TBC1D22A: variants seen among roughly 807,000 people sequenced by gnomAD.
TBC1D22A encodes the protein putative GTPase activator.
TBC1D22A carries 38 observed loss-of-function variants against 60.2 expected under a neutral mutation model. The observed-to-expected ratio is 0.63, with a 90% CI of 0.49 to 0.83. TBC1D22A has a LOEUF of 0.83. Among genes scored for constraint, TBC1D22A ranks in the 40% least tolerant of loss-of-function variants. The probability of loss-of-function intolerance (pLI) is 0.00; values close to 1 mark genes in which losing one functional copy is unlikely to be tolerated. For synonymous variants in TBC1D22A, 302 were observed against 281.7 expected, an observed-to-expected ratio of 1.07 and a Z score of -0.72; for missense variants, 628 against 701.0, an observed-to-expected ratio of 0.90 and a Z score of 1.18.
intron 7 of TBC1D22A, among the ~76,000 whole-genome samples, chr22:46,905,475 G>A (rs906942062): frequency 1.3e-5 from 2 of 152,222 alleles, no homozygotes; most frequent in African/African-American, 2.4e-5. Flanking sequence ...ATTTGGGTCC[G>A]TGCAGGGTGT....
At chr22:47,004,563 C>T (rs564647261) in intron 10 of TBC1D22A, among the ~76,000 whole-genome samples, 1 of 151,630 alleles carries the variant, frequency 6.6e-6, no homozygotes, top group East Asian at 1.9e-4. Context: ...CTCCTGTACA[C>T]ACACCCCTGC....
At chr22:46,814,245 G>T (rs999542963) in intron 4 of TBC1D22A, among the ~76,000 whole-genome samples, 8 of 152,166 alleles carry the variant, frequency 5.3e-5, no homozygotes, top group African/African-American at 1.9e-4. Flanking sequence ...CAGGTGTGGG[G>T]TGTGGAGTCC....
In TBC1D22A at chr22:46,915,865, C is replaced by T. The variant is rs544673936; in HGVS notation, c.1015+3677C>T. On this transcript the variant is annotated intron_variant, in intron 8 of 12. Transcript: ENST00000337137. The stretch of plus-strand genomic sequence containing the variant: ...TTGGTCCTGAGTAGGAGCAGCTCTT[C>T]GGGAGTGGCTCATCGTTCTGGCTGT... The T allele has an allele frequency of 7.3e-5, 33 of 452,598 alleles. No individual in the cohort carries two copies. In the Middle Eastern group the frequency reaches 1.6e-3, roughly 22 times the overall value. The allele number at this position is 452,598 out of a possible 1,614,324, so 28.0% of individuals were successfully genotyped here.
At chr22:47,098,108 C>T (rs140336434) in intron 11 of TBC1D22A, among the ~76,000 whole-genome samples, 2 of 152,260 alleles carry the variant, frequency 1.3e-5, no homozygotes, top group East Asian at 3.9e-4. Flanking sequence ...GAGATTTCAG[C>T]TGTCTAATCC....
At chr22:46,875,653 T>G (rs763895854) in intron 4 of TBC1D22A, among the ~76,000 whole-genome samples, 3 of 152,184 alleles carry the variant, frequency 2.0e-5, no homozygotes, top group Non-Finnish European at 4.4e-5. Flanking sequence ...GGTTTCACCA[T>G]GTTGGCCAGG....
intron 8 of TBC1D22A, among the ~76,000 whole-genome samples, chr22:46,946,238 G>A (rs112238627): frequency 4.7e-4 from 72 of 152,340 alleles, no homozygotes; most frequent in African/African-American, 1.7e-3. Flanking sequence ...ACCCGCTTGG[G>A]CCTGTGTGGC....
chr22:46,911,611 A>G (rs182265021), intron 7 of TBC1D22A, among the ~76,000 whole-genome samples: 1 of 152,124 alleles, frequency 6.6e-6, no homozygotes, highest in African/African-American at 2.4e-5. Flanking sequence ...AATTTTTTTT[A>G]AAATCAAGTT....
chr22:46,911,524 T>C (rs1225588978), intron 7 of TBC1D22A, among the ~76,000 whole-genome samples: 1 of 152,190 alleles, frequency 6.6e-6, no homozygotes, highest in African/African-American at 2.4e-5. Flanking sequence ...AGAGCGCTTC[T>C]GCTGGGAGAG....
intron 10 of TBC1D22A, among the ~76,000 whole-genome samples, chr22:47,017,004 G>A (rs1360827834): frequency 2.2e-4 from 33 of 152,310 alleles, no homozygotes; most frequent in Admixed American, 2.2e-3. Flanking sequence ...CGCCGATGGC[G>A]GCTTTTTCTA....
intron 4 of TBC1D22A, among the ~76,000 whole-genome samples, chr22:46,840,443 A>G (rs982712876): frequency 7.2e-5 from 11 of 152,234 alleles, no homozygotes; most frequent in Non-Finnish European, 1.3e-4. Flanking sequence ...CTCTTACCAA[A>G]AAAACAAATG....
intron 8 of TBC1D22A, among the ~76,000 whole-genome samples, chr22:46,918,681 G>T (rs556372738): frequency 6.6e-6 from 1 of 152,288 alleles, no homozygotes; most frequent in South Asian, 2.1e-4. Context: ...TCTTGCTAGC[G>T]ACCTGCCAAA....
chr22:46,789,422 T>G (rs1190853226), intron 1 of TBC1D22A: 1 of 450,812 alleles, frequency 2.2e-6, no homozygotes, highest in Non-Finnish European at 4.6e-6. Flanking sequence ...GACATGCTCT[T>G]GTAGGAATCA....
In TBC1D22A at chr22:46,884,989, G is replaced by A. The variant is rs6007982; in HGVS notation, c.708+6266G>A. On this transcript the variant is annotated intron_variant, in intron 5 of 12. Coordinates refer to ENST00000337137, the MANE Select transcript of TBC1D22A (RefSeq NM_014346.5). ...TGGGCTTTTATGCTGGGCATGATTA[G>A]AAGCAATTGGAAGTGTTTTCGGGCT... Among the ~76,000 whole-genome samples, 1,114 of 152,342 alleles carry A rather than the reference G, an allele frequency of 7.3e-3. 22 individuals carry two copies. Among genetic ancestry groups the A allele is most frequent in the African/African-American group, 0.026 (1,063 of 41,572 alleles).
At chr22:47,021,699 G>A (rs565036311) in intron 10 of TBC1D22A, among the ~76,000 whole-genome samples, 1 of 152,370 alleles carries the variant, frequency 6.6e-6, no homozygotes, top group East Asian at 1.9e-4. Context: ...GACCCATACA[G>A]ACTCATAAAT....
chr22:47,162,624 T>C (rs9626949), intron 12 of TBC1D22A, among the ~76,000 whole-genome samples: 13,734 of 46,220 alleles, frequency 0.3, 2,546 homozygotes, highest in East Asian at 0.33. Context: ...AGTGGGACTG[T>C]GGACCCGGTG....
intron 11 of TBC1D22A, among the ~76,000 whole-genome samples, chr22:47,095,017 A>AT (rs1473041454): frequency 1.3e-5 from 2 of 152,254 alleles, no homozygotes; most frequent in African/African-American, 4.8e-5. Context: ...CAACAGGCTC[A>AT]TTTAGGCTTT....
At chr22:47,092,106 G>T (rs1341672138) in intron 11 of TBC1D22A, among the ~76,000 whole-genome samples, 2 of 152,190 alleles carry the variant, frequency 1.3e-5, no homozygotes, top group Non-Finnish European at 2.9e-5. Context: ...CCTGAGTTCA[G>T]TGCCCCTGCT....
chr22:47,081,269 G>A (rs2064457488), intron 11 of TBC1D22A, among the ~76,000 whole-genome samples: 1 of 152,142 alleles, frequency 6.6e-6, no homozygotes, highest in Middle Eastern at 3.2e-3. Flanking sequence ...GTCAATAGAT[G>A]CAGAAATAGC....
chr22:46,848,158 CT>C (rs1413582745), intron 4 of TBC1D22A, among the ~76,000 whole-genome samples: 2 of 152,202 alleles, frequency 1.3e-5, no homozygotes, highest in Non-Finnish European at 2.9e-5. Flanking sequence ...GGCTTTAAAG[CT>C]TTTAATTTTT....
Sources: gnomAD v4.1 joint callset for allele counts (sites outside exome capture counted in the v4.1 genomes callset) on GRCh38, gnomAD v4.1.1 for gene constraint, MANE v1.5 for transcripts, NCBI Gene and HGNC (gene_info 2026-07-23, HGNC 2026-07-21) for gene names.